The following PLIN1 variants were observed in gnomAD, a reference collection of about 807,000 sequenced individuals.
PLIN1 encodes perilipin 1.
Under a neutral mutation model 45.8 loss-of-function variants are expected in PLIN1, and 37 were observed. The observed-to-expected ratio is 0.81, with a 90% confidence interval of 0.62 to 1.06. The LOEUF (loss-of-function observed/expected upper bound fraction) is 1.06, where lower values mean the gene tolerates loss of function less well. Ranked by LOEUF, PLIN1 falls within the 50% of genes least tolerant of loss-of-function variation. PLIN1 has a pLI of 0.00. For synonymous variants in PLIN1, 340 were observed against 309.2 expected (o/e 1.10, Z -1.05); for missense variants, 776 against 716.5 (o/e 1.08, Z -0.95).
rs554190143 is a variant in PLIN1 at position 89,670,826 on chromosome 15, A to G, written c.334-582T>C. On this transcript the variant is annotated intron_variant, in intron 4 of 8. Transcript: ENST00000300055. ...CACTGGTTTCCTCTCTGTAAAATGG[A>G]GATAACAACCCCTATCCCAGAGGGT... Among the ~76,000 whole-genome samples the G allele has an allele frequency of 7.2e-5, 11 of 152,200 alleles. No individual in the cohort carries two copies. The East Asian group carries it at 2.1e-3, about 29-fold the overall frequency.
chr15:89,670,125 C>G lies in PLIN1; in HGVS notation c.453G>C (p.Glu151Asp). 1 of 1,614,226 alleles carries G rather than the reference C, an allele frequency of 6.2e-7. No individual in the cohort carries two copies. Among genetic ancestry groups the G allele is most frequent in the Non-Finnish European group, 8.5e-7 (1 of 1,180,038 alleles). ...KVLGAALAGC[E>D]LAWGVARDTA... is the part of the protein sequence containing the mutation. ...TGTCTCTGGCCACCCCCCAGGCAAG[C>G]TCGCACCCGGCCAAAGCGGCCCCCA... The change falls in exon 5 of 9, where the codon GAG becomes GAC. Residue 151 changes from glutamate to aspartate, a missense_variant. Glu to Asp is a conservative substitution (Grantham distance 45). Transcript: ENST00000300055.
At chr15:89,668,805 G>A (rs1249373724) in intron 6 of PLIN1, among the ~76,000 whole-genome samples, 6 of 152,200 alleles carry the variant, frequency 3.9e-5, no homozygotes, top group East Asian at 1.9e-4. Context: ...AATGATCCAC[G>A]CCTGATGATG....
In PLIN1 at chr15:89,665,590, T is replaced by C; in HGVS notation, c.1562A>G (p.Lys521Arg). The change falls in exon 9 of 9, where the codon AAG becomes AGG. Residue 521 changes from lysine (K) to arginine (R), a missense_variant. Physicochemically the swap from Lys to Arg is conservative, Grantham distance 26. Coordinates refer to ENST00000300055, the MANE Select transcript of PLIN1 (RefSeq NM_002666.5). ...GGCGGCTGGTGCGGCGACTCAGCTC[T>C]TCTTGCGCAGCTGGCTGTAATGCGT... is the stretch of plus-strand genomic sequence containing the variant. ...GRTHYSQLRK[K>R]S is the part of the protein sequence containing the mutation. 6.5e-7 allele frequency: 1 copy of C among 1,527,574 alleles called. No homozygotes were observed. Among genetic ancestry groups the C allele is most frequent in the Non-Finnish European group, 8.8e-7 (1 of 1,139,194 alleles). The allele number at this position is 1,527,574 out of a possible 1,614,324, so 94.6% of individuals were successfully genotyped here.
chr15:89,665,703 G>A lies in PLIN1; in HGVS notation c.1449C>T (p.Gly483=), dbSNP rs1964324116. 1.4e-6 allele frequency: 2 copies of A among 1,468,396 alleles called. No homozygotes were observed. The highest frequency in any genetic ancestry group is 9.0e-7 in the Non-Finnish European group (1 of 1,113,124). 91.0% of individuals were successfully genotyped at this position (1,468,396 alleles called of 1,614,324 possible). Residue 483 remains glycine (G), a synonymous_variant, in exon 9 of 9, where the codon GGC becomes GGT. Transcript: ENST00000300055. ...GCTTCTCGCGGGGCACGGCCGGGAA[G>A]CCCGGGCGCGGCGCTGCGGGCGTGG... The part of the protein sequence containing the change: ...EVATPAAPRP[G]FPAVPREKPK...
chr15:89,665,539 T>TA lies in PLIN1; in HGVS notation c.*43dup, dbSNP rs1964318252. 1 of 1,517,348 alleles carries TA rather than the reference T, an allele frequency of 6.6e-7. No homozygotes were observed. Among genetic ancestry groups the TA allele is most frequent in the South Asian group, 1.2e-5 (1 of 82,272 alleles). The allele number at this position is 1,517,348 out of a possible 1,614,324, so 94.0% of individuals were successfully genotyped here. On this transcript the variant is annotated 3_prime_UTR_variant, in exon 9 of 9. Transcript: ENST00000300055. ...GGCAGTGCGGGTTCTGTTTATTTGT[T>TA]AGAGAAACCCGCCGGCCCGGGGCGC...
intron 7 of PLIN1, 118 bp from the exon 8 acceptor site, chr15:89,667,299 C>T: frequency 7.3e-7 from 1 of 1,373,848 alleles, no homozygotes; most frequent in East Asian, 2.3e-5. Context: ...AACTTCAGGC[C>T]TATTCTGCCA....
chr15:89,677,065 A>C, intron 2 of PLIN1: 1 of 300,182 alleles, frequency 3.3e-6, no homozygotes, highest in East Asian at 7.4e-5. Context: ...TGCCGTTATG[A>C]ATGATGCTGG....
In PLIN1 at chr15:89,666,282, T is replaced by C. The variant is rs1375739114; in HGVS notation, c.1210-340A>G. ...TGACCTGGCCAGGGACCGGTACACC[T>C]TCCTGGGGCTGGCCCGAGCGCAGGA... On this transcript the variant is annotated intron_variant, in intron 8 of 8. Transcript: ENST00000300055. Among the ~76,000 whole-genome samples the C allele has an allele frequency of 3.3e-5, 5 of 152,196 alleles. No homozygotes were observed. In the South Asian group the frequency reaches 8.3e-4, roughly 25 times the overall value.
intron 7 of PLIN1, 137 bp from the exon 8 acceptor site, chr15:89,667,318 G>A (rs1964364282): frequency 6.6e-6 from 8 of 1,207,410 alleles, no homozygotes; most frequent in African/African-American, 1.5e-5. Flanking sequence ...CACTAGCAGT[G>A]TGGCCTTGGA....
In PLIN1 at chr15:89,669,528, G is replaced by T. The variant is rs754961724; in HGVS notation, c.743C>A (p.Ala248Asp). Reference protein sequence around the residue: ...ARALEQGHTVAMWIPGVVPLS... With the variant: ...ARALEQGHTVDMWIPGVVPLS... ...GGGCACCACGCCTGGGATCCACATG[G>T]CCACGGTGTGGCCCTGCTCCAGGGC... Residue 248 changes from alanine to aspartate, a missense_variant, in exon 6 of 9, where the codon GCC (alanine) becomes GAC (aspartate). Physicochemically the swap from Ala to Asp is moderately radical, Grantham distance 126. Coordinates refer to ENST00000300055, the MANE Select transcript of PLIN1 (RefSeq NM_002666.5). 2.5e-6 allele frequency: 4 copies of T among 1,613,236 alleles called. No individual in the cohort carries two copies. The highest frequency in any genetic ancestry group is 3.4e-6 in the Non-Finnish European group (4 of 1,179,976).
intron 5 of PLIN1, 129 bp downstream of exon 5, chr15:89,669,851 T>C (rs1420529295): frequency 2.9e-6 from 3 of 1,025,280 alleles, no homozygotes; most frequent in Admixed American, 4.1e-5. Flanking sequence ...TAAATGATTA[T>C]GAATCCATCT....
chr15:89,670,532 C>A (rs1964424823), intron 4 of PLIN1, among the ~76,000 whole-genome samples: 1 of 152,298 alleles, frequency 6.6e-6, no homozygotes, highest in South Asian at 2.1e-4. Context: ...GTCCTTGGTG[C>A]CACCTGTCCT....
chr15:89,669,002 G>A (rs951658870), intron 6 of PLIN1, among the ~76,000 whole-genome samples: 1 of 151,748 alleles, frequency 6.6e-6, no homozygotes, highest in Non-Finnish European at 1.5e-5. Flanking sequence ...GGAGTGGTGG[G>A]GAGTTAACTC....
At chr15:89,677,030 C>A in intron 2 of PLIN1, 1 of 255,966 alleles carries the variant, frequency 3.9e-6, no homozygotes, top group Non-Finnish European at 7.7e-6. Context: ...AGGCTGTGCA[C>A]CGTCTAACTC....
Position 89,677,451 on chromosome 15 carries a change from G to T in PLIN1, c.39C>A (p.Asp13Glu). The change falls in exon 2 of 9, where the codon GAC becomes GAA. Residue 13 changes from aspartate (D) to glutamate (E), a missense_variant. Coordinates refer to ENST00000300055, the MANE Select transcript of PLIN1 (RefSeq NM_002666.5). ...VNKGLTLLDG[D>E]LPEQENVLQR... ...ATGAGCCCAAGTTACTTACAGGGAG[G>T]TCTCCATCCAGCAAGGTGAGGCCTT... 1 of 1,613,540 alleles carries T rather than the reference G, an allele frequency of 6.2e-7. No individual in the cohort carries two copies. Among genetic ancestry groups the T allele is most frequent in the Non-Finnish European group, 8.5e-7 (1 of 1,179,516 alleles).
At position 89,667,112 on chromosome 15, in the gene PLIN1, T is replaced by C. The variant is rs779890983; in HGVS notation, c.1033A>G (p.Thr345Ala). ...GCCCATGTCACAGCCGAGATGGTGG[T>C]CTGGAGGGTCTTCTGCAGGGTATGT... Reference protein sequence around the residue: ...VAHTLQKTLQTTISAVTWAPA... With the variant: ...VAHTLQKTLQATISAVTWAPA... The change falls in exon 8 of 9, where the codon ACC becomes GCC. Residue 345 changes from threonine to alanine, a missense_variant. By Grantham distance (58) the Thr-to-Ala change is moderately conservative. Transcript: ENST00000300055. 5.0e-6 allele frequency: 8 copies of C among 1,613,966 alleles called. No individual in the cohort carries two copies. In the South Asian group the frequency reaches 7.7e-5, roughly 16 times the overall value.
chr15:89,665,902 C>G lies in PLIN1; in HGVS notation c.1250G>C (p.Arg417Pro). 1 of 1,536,760 alleles carries G rather than the reference C, an allele frequency of 6.5e-7. No homozygotes were observed. Among genetic ancestry groups the G allele is most frequent in the Non-Finnish European group, 8.7e-7 (1 of 1,151,044 alleles). The change falls in exon 9 of 9, where the codon CGG becomes CCG. Residue 417 changes from arginine (R) to proline (P), a missense_variant. Transcript: ENST00000300055. ...CTCGGCTGGTGGGTTGTCGATGTCC[C>G]GGAATTCGCTCTCGGGCTCCATCAG... is the stretch of plus-strand genomic sequence containing the variant. ...LSLMEPESEF[R>P]DIDNPPAEVE...
chr15:89,667,326 G>A, intron 7 of PLIN1, 145 bp from the exon 8 acceptor site: 3 of 1,121,832 alleles, frequency 2.7e-6, no homozygotes, highest in Non-Finnish European at 3.9e-6. Context: ...GTGTGGCCTT[G>A]GACAGGTCAC....
chr15:89,677,804 G>A (rs145846151), intron 1 of PLIN1: 4,126 of 333,648 alleles, frequency 0.012, 56 homozygotes, highest in Non-Finnish European at 0.017. Flanking sequence ...AGGCTGGAGT[G>A]TAGTTGCACA....
Sources: allele counts gnomAD v4.1 joint callset (sites outside exome capture counted in the v4.1 genomes callset), GRCh38; gene constraint gnomAD v4.1.1; transcripts MANE v1.5; gene names NCBI Gene and HGNC (gene_info 2026-07-23, HGNC 2026-07-21).